Variants in MSI2 observed in about 807,000 individuals in gnomAD.
MSI2 encodes RNA-binding protein Musashi homolog 2.
In MSI2, 17 loss-of-function variants were observed where a neutral mutation model predicts 45.6. That is an observed-to-expected ratio of 0.37 (90% confidence interval 0.26 to 0.56). The LOEUF (loss-of-function observed/expected upper bound fraction) is 0.56. MSI2 is among the 20% of genes least tolerant of loss of function. MSI2 has a pLI of 0.77. For synonymous variants in MSI2, 156 were observed against 158.2 expected (o/e 0.99, Z 0.11); for missense variants, 293 against 444.2 (o/e 0.66, Z 3.06).
intron 7 of MSI2, among the ~76,000 whole-genome samples, chr17:57,577,932 C>T (rs554527138): frequency 1.3e-5 from 2 of 152,154 alleles, no homozygotes; most frequent in Admixed American, 6.5e-5. Flanking sequence ...TTTCCTCCCC[C>T]ACACCACCCG....
chr17:57,597,797 T>A (rs1905403992), intron 8 of MSI2, among the ~76,000 whole-genome samples: 1 of 152,250 alleles, frequency 6.6e-6, no homozygotes, highest in Non-Finnish European at 1.5e-5. Flanking sequence ...GGAAGTTTAC[T>A]GCACCAAACT....
chr17:57,413,245 A>G (rs181339484), intron 6 of MSI2, among the ~76,000 whole-genome samples: 2 of 152,250 alleles, frequency 1.3e-5, no homozygotes, highest in Admixed American at 6.5e-5. Context: ...TTACCACTCA[A>G]TTCTTCTACC....
chr17:57,484,129 C>T (rs549376496), intron 6 of MSI2, among the ~76,000 whole-genome samples: 6 of 152,334 alleles, frequency 3.9e-5, no homozygotes, highest in Admixed American at 1.3e-4. Flanking sequence ...CCACCTCAGG[C>T]TGTTGGCTGA....
At chr17:57,633,585 G>T (rs756371242) in intron 10 of MSI2, among the ~76,000 whole-genome samples, 5 of 152,208 alleles carry the variant, frequency 3.3e-5, no homozygotes, top group Non-Finnish European at 5.9e-5. Flanking sequence ...TGACTCCCCA[G>T]AGCACTGCAG....
chr17:57,501,801 A>G (rs897461309), intron 6 of MSI2, among the ~76,000 whole-genome samples: 1 of 152,216 alleles, frequency 6.6e-6, no homozygotes, highest in Non-Finnish European at 1.5e-5. Flanking sequence ...AGACACAGTC[A>G]TTACATGTCT....
chr17:57,321,605 T>C (rs1440514142), intron 5 of MSI2, among the ~76,000 whole-genome samples: 2 of 152,110 alleles, frequency 1.3e-5, no homozygotes, highest in African/African-American at 4.8e-5. Flanking sequence ...TCTTCTAGCT[T>C]GTGCCTGCTC....
intron 5 of MSI2, among the ~76,000 whole-genome samples, chr17:57,374,182 G>A (rs1356265991): frequency 1.3e-5 from 2 of 152,326 alleles, no homozygotes; most frequent in Admixed American, 6.5e-5. Flanking sequence ...CAGAAACATA[G>A]CGTCAATAGG....
chr17:57,283,819 C>A (rs916040017), intron 5 of MSI2, among the ~76,000 whole-genome samples: 11 of 152,174 alleles, frequency 7.2e-5, no homozygotes, highest in Admixed American at 1.3e-4. Flanking sequence ...GTGGGGCCTG[C>A]CGGGTCCAGG....
intron 6 of MSI2, among the ~76,000 whole-genome samples, chr17:57,513,689 G>A (rs2086406651): frequency 6.6e-6 from 1 of 152,172 alleles, no homozygotes; most frequent in Admixed American, 6.5e-5. Flanking sequence ...GTCCCTCAGG[G>A]AGCCTCACCC....
intron 5 of MSI2, among the ~76,000 whole-genome samples, chr17:57,336,152 G>A (rs1914676915): frequency 1.3e-5 from 2 of 152,192 alleles, no homozygotes; most frequent in Admixed American, 1.3e-4. Context: ...CCAGGGTGGT[G>A]GTGAGGACGG....
At chr17:57,362,610 T>TAAGG (rs1916888172) in intron 5 of MSI2, among the ~76,000 whole-genome samples, 1 of 152,178 alleles carries the variant, frequency 6.6e-6, no homozygotes, top group African/African-American at 2.4e-5. Context: ...TTTTTGAACT[T>TAAGG]AAGGCTTTGA....
chr17:57,520,374 T>C (rs1002044369), intron 6 of MSI2, among the ~76,000 whole-genome samples: 9 of 152,212 alleles, frequency 5.9e-5, no homozygotes, highest in African/African-American at 2.2e-4. Flanking sequence ...TCATAACTGC[T>C]ATCTGATAAA....
At chr17:57,657,366 G>A (rs906317567) in intron 11 of MSI2, among the ~76,000 whole-genome samples, 3 of 152,146 alleles carry the variant, frequency 2.0e-5, no homozygotes, top group Admixed American at 1.3e-4. Context: ...GGAACTGTCA[G>A]GCTTCAGGGC....
chr17:57,445,986 A>G (rs1311469894), intron 6 of MSI2, among the ~76,000 whole-genome samples: 1 of 152,236 alleles, frequency 6.6e-6, no homozygotes, highest in Non-Finnish European at 1.5e-5. Flanking sequence ...TTGGGGATAC[A>G]GAGGTGAGTA....
At chr17:57,520,310 G>T (rs892157463) in intron 6 of MSI2, among the ~76,000 whole-genome samples, 3 of 152,214 alleles carry the variant, frequency 2.0e-5, no homozygotes, top group South Asian at 2.1e-4. Context: ...GGATTAAGTT[G>T]TCTGAAGACC....
intron 7 of MSI2, among the ~76,000 whole-genome samples, chr17:57,562,469 C>G (rs140417141): frequency 1.3e-5 from 2 of 152,224 alleles, no homozygotes; most frequent in Non-Finnish European, 2.9e-5. Flanking sequence ...CTCTCCTAGG[C>G]GACTGGAAGT....
At chr17:57,322,804 C>T (rs1449242708) in intron 5 of MSI2, among the ~76,000 whole-genome samples, 1 of 152,192 alleles carries the variant, frequency 6.6e-6, no homozygotes, top group African/African-American at 2.4e-5. Context: ...CTTCCTTTCT[C>T]CTGTGCTGTT....
At chr17:57,371,064 C>G (rs185198448) in intron 5 of MSI2, among the ~76,000 whole-genome samples, 5 of 152,252 alleles carry the variant, frequency 3.3e-5, no homozygotes, top group Non-Finnish European at 5.9e-5. Flanking sequence ...CTGAGTGTTG[C>G]TGTTTTCTTG....
At chr17:57,580,660 G>T (rs2088175946) in intron 7 of MSI2, among the ~76,000 whole-genome samples, 1 of 152,154 alleles carries the variant, frequency 6.6e-6, no homozygotes, top group Admixed American at 6.5e-5. Context: ...TTCATGCCTG[G>T]ATACCCCTGT....
Sources: allele counts gnomAD v4.1 joint callset (sites outside exome capture counted in the v4.1 genomes callset), GRCh38; gene constraint gnomAD v4.1.1; transcripts MANE v1.5; gene names NCBI Gene and HGNC (gene_info 2026-07-23, HGNC 2026-07-21).